MIPEP: variants seen among roughly 807,000 people sequenced by gnomAD.
MIPEP encodes the protein mitochondrial intermediate peptidase.
A neutral mutation model predicts 90.3 loss-of-function variants in MIPEP; 79 were observed. The observed-to-expected ratio is 0.87, with a 90% CI of 0.73 to 1.05. The LOEUF (loss-of-function observed/expected upper bound fraction) is 1.05. MIPEP is among the 50% of genes least tolerant of loss of function. MIPEP has a pLI of 0.00. For missense variants in MIPEP, 940 were observed against 905.6 expected (o/e 1.04, Z -0.49); for synonymous variants, 334 against 315.8 (o/e 1.06, Z -0.61).
chr13:23,741,824 T>G (rs1196089004), intron 18 of MIPEP, among the ~76,000 whole-genome samples: 1 of 139,706 alleles, frequency 7.2e-6, no homozygotes, highest in Non-Finnish European at 1.7e-5. Flanking sequence ...GAAAAAAAAT[T>G]TAAAAAAAAA....
intron 16 of MIPEP, among the ~76,000 whole-genome samples, chr13:23,778,304 A>G (rs1376631226): frequency 2.1e-4 from 32 of 152,230 alleles, no homozygotes; most frequent in Admixed American, 2.1e-3. Context: ...TGTTAAAGAA[A>G]GCAAATAACT....
chr13:23,807,781 T>C (rs1373613848), intron 15 of MIPEP, among the ~76,000 whole-genome samples: 1 of 152,218 alleles, frequency 6.6e-6, no homozygotes, highest in Admixed American at 6.5e-5. Flanking sequence ...CCCCAATGTA[T>C]AAATAAATCA....
At chr13:23,827,191 A>G (rs2137437643) in intron 14 of MIPEP, among the ~76,000 whole-genome samples, 1 of 152,308 alleles carries the variant, frequency 6.6e-6, no homozygotes, top group East Asian at 1.9e-4. Context: ...GATAAAGTGG[A>G]CAAAATTCTG....
intron 14 of MIPEP, among the ~76,000 whole-genome samples, chr13:23,815,414 C>T (rs1450237003): frequency 6.6e-6 from 1 of 151,742 alleles, no homozygotes; most frequent in African/African-American, 2.4e-5. Flanking sequence ...CTCCCAGGTT[C>T]AAGTGATACC....
chr13:23,856,547 C>G (rs1870055501), intron 10 of MIPEP, among the ~76,000 whole-genome samples: 1 of 152,124 alleles, frequency 6.6e-6, no homozygotes, highest in Admixed American at 6.5e-5. Context: ...TTATTCAGAA[C>G]TTTCTAGGAA....
chr13:23,837,112 G>A (rs549667888), intron 13 of MIPEP, among the ~76,000 whole-genome samples: 118 of 152,266 alleles, frequency 7.7e-4, no homozygotes, highest in African/African-American at 2.7e-3. Flanking sequence ...TTATACAGGG[G>A]AAAGTATATG....
chr13:23,740,232 C>G (rs1952311981), intron 18 of MIPEP, among the ~76,000 whole-genome samples: 1 of 152,148 alleles, frequency 6.6e-6, no homozygotes, highest in Non-Finnish European at 1.5e-5. Context: ...TCTCCCTGCC[C>G]CTGGCTCAGC....
At chr13:23,732,961 T>A (rs1473960783) in intron 18 of MIPEP, among the ~76,000 whole-genome samples, 1 of 152,220 alleles carries the variant, frequency 6.6e-6, no homozygotes, top group Non-Finnish European at 1.5e-5. Flanking sequence ...ATGCTATGCA[T>A]GTAAACGAAT....
chr13:23,767,977 C>T (rs201814323), intron 16 of MIPEP, among the ~76,000 whole-genome samples: 1 of 152,114 alleles, frequency 6.6e-6, no homozygotes, highest in African/African-American at 2.4e-5. Flanking sequence ...CCAGATGCCC[C>T]GAGGCGTGTG....
intron 16 of MIPEP, among the ~76,000 whole-genome samples, chr13:23,785,487 AG>A (rs1396812925): frequency 1.2e-5 from 1 of 86,368 alleles, no homozygotes; most frequent in African/African-American, 4.3e-5. Context: ...GGGTTGGGGG[AG>A]GGGGGAGGGA....
At chr13:23,748,411 C>T (rs1268848057) in intron 18 of MIPEP, among the ~76,000 whole-genome samples, 1 of 152,080 alleles carries the variant, frequency 6.6e-6, no homozygotes, top group Non-Finnish European at 1.5e-5. Context: ...GACCATAAAC[C>T]AATAAATGAA....
intron 14 of MIPEP, among the ~76,000 whole-genome samples, chr13:23,811,473 T>C (rs534429291): frequency 6.6e-6 from 1 of 152,270 alleles, no homozygotes; most frequent in East Asian, 1.9e-4. Flanking sequence ...CCTGCTTGTT[T>C]GGGGACTGAA....
At chr13:23,789,709 C>T (rs1234053372) in intron 16 of MIPEP, among the ~76,000 whole-genome samples, 3 of 152,200 alleles carry the variant, frequency 2.0e-5, no homozygotes, top group Non-Finnish European at 2.9e-5. Context: ...ACTTTCCATG[C>T]CCTTCTTGTT....
At chr13:23,789,511 C>T (rs1004607318) in intron 16 of MIPEP, among the ~76,000 whole-genome samples, 4 of 152,152 alleles carry the variant, frequency 2.6e-5, no homozygotes, top group African/African-American at 7.2e-5. Context: ...TAGGTAAATG[C>T]CTTAGTCCTC....
Position 23,730,317 on chromosome 13 carries a change from A to G in MIPEP, c.*31T>C, listed in dbSNP as rs1167035352. On this transcript the variant is annotated 3_prime_UTR_variant, in exon 19 of 19. Coordinates refer to ENST00000382172, the MANE Select transcript of MIPEP (RefSeq NM_005932.4). ...TTATAACAAAGTCATTATCTACATG[A>G]CCTTGATTTAAGAGGTGTAGAGTGT... 5.8e-6 allele frequency: 8 copies of G among 1,377,764 alleles called. No homozygotes were observed. Among genetic ancestry groups the G allele is most frequent in the Non-Finnish European group, 8.2e-6 (8 of 971,980 alleles). 85.3% of individuals were successfully genotyped at this position (1,377,764 alleles called of 1,614,324 possible). A position where few individuals can be genotyped will look rare whatever the true frequency, so the allele number is the denominator to read the frequency against.
At chr13:23,827,021 T>A (rs1035560814) in intron 14 of MIPEP, among the ~76,000 whole-genome samples, 2 of 152,222 alleles carry the variant, frequency 1.3e-5, no homozygotes, top group South Asian at 2.1e-4. Flanking sequence ...ATAAGTAATC[T>A]AGAGATGATT....
chr13:23,868,587 C>T (rs776544005), intron 7 of MIPEP, among the ~76,000 whole-genome samples: 4 of 152,170 alleles, frequency 2.6e-5, no homozygotes, highest in Non-Finnish European at 5.9e-5. Flanking sequence ...TCCTCCCTCT[C>T]ACCCTCACTA....
chr13:23,869,920 A>C (rs1870709328), intron 6 of MIPEP, 93 bp downstream of exon 6: 2 of 1,033,464 alleles, frequency 1.9e-6, no homozygotes, highest in Non-Finnish European at 2.7e-6. Flanking sequence ...AAAAGTTTTT[A>C]AGGATACTAT....
chr13:23,753,238 A>ATAAT (rs1297260068), intron 18 of MIPEP, among the ~76,000 whole-genome samples: 1 of 143,182 alleles, frequency 7.0e-6, no homozygotes, highest in Non-Finnish European at 1.5e-5. Flanking sequence ...AAAAAAAAAA[A>ATAAT]AATAATAATA....
Sources: allele counts gnomAD v4.1 joint callset (sites outside exome capture counted in the v4.1 genomes callset), GRCh38; gene constraint gnomAD v4.1.1; transcripts MANE v1.5; gene names NCBI Gene and HGNC (gene_info 2026-07-23, HGNC 2026-07-21).